SULF2: variants seen among roughly 807,000 people sequenced by gnomAD.
SULF2 encodes sulfatase 2, also known as extracellular sulfatase Sulf-2.
Under a neutral mutation model 107.7 loss-of-function variants are expected in SULF2, and 52 were observed. The ratio of observed to expected loss-of-function variants is 0.48; its 90% confidence interval spans 0.39 to 0.61. SULF2 has a LOEUF of 0.61. Ranked by LOEUF, SULF2 falls within the 20% of genes least tolerant of loss-of-function variation. SULF2 has a pLI of 0.00. For synonymous variants in SULF2, 460 were observed against 464.3 expected (o/e 0.99, Z 0.12); for missense variants, 993 against 1,177.3 (o/e 0.84, Z 2.29).
chr20:47,765,856 A>T (rs1268195547), intron 1 of SULF2, among the ~76,000 whole-genome samples: 2 of 152,214 alleles, frequency 1.3e-5, no homozygotes, highest in African/African-American at 4.8e-5. Flanking sequence ...CAAGTGATAC[A>T]AGGGACTGAG....
At chr20:47,774,223 AC>A (rs1269854533) in intron 1 of SULF2, among the ~76,000 whole-genome samples, 1 of 152,214 alleles carries the variant, frequency 6.6e-6, no homozygotes, top group Non-Finnish European at 1.5e-5. Flanking sequence ...CCGGAAATAG[AC>A]CGGCAAGTGG....
In SULF2 at chr20:47,658,194, C is replaced by T. The variant is rs2086954723; in HGVS notation, c.*168G>A. 4 of 695,726 alleles carry T rather than the reference C, an allele frequency of 5.7e-6. No individual in the cohort carries two copies. 43.1% of individuals were successfully genotyped at this position (695,726 alleles called of 1,614,324 possible). A position where few individuals can be genotyped will look rare whatever the true frequency, so the allele number is the denominator to read the frequency against. On this transcript the variant is annotated 3_prime_UTR_variant, in exon 21 of 21. Coordinates refer to ENST00000688720, the MANE Select transcript of SULF2 (RefSeq NM_001387048.1). ...GGACTTCCTGAAGTTATCTCTGCTC[C>T]TGCTGGTTATCCTCCAGAATCTGTC...
chr20:47,709,200 C>A (rs1345703272), intron 3 of SULF2, among the ~76,000 whole-genome samples: 1 of 152,100 alleles, frequency 6.6e-6, no homozygotes, highest in Non-Finnish European at 1.5e-5. Flanking sequence ...TGGCTGGTGC[C>A]TGGGAAGCTT....
At chr20:47,762,440 C>T (rs1426822445) in intron 1 of SULF2, among the ~76,000 whole-genome samples, 3 of 152,244 alleles carry the variant, frequency 2.0e-5, no homozygotes, top group East Asian at 3.8e-4. Flanking sequence ...TGCACACCCA[C>T]CCATCAATAT....
At chr20:47,673,825 G>A (rs1038600903) in intron 10 of SULF2, among the ~76,000 whole-genome samples, 1 of 152,248 alleles carries the variant, frequency 6.6e-6, no homozygotes, top group Non-Finnish European at 1.5e-5. Context: ...GGGAGCACAG[G>A]CCCAGAAGCC....
intron 10 of SULF2, among the ~76,000 whole-genome samples, chr20:47,676,266 A>G (rs1430838723): frequency 1.3e-5 from 2 of 152,232 alleles, no homozygotes; most frequent in Non-Finnish European, 2.9e-5. Flanking sequence ...CACCCACGGG[A>G]CACTTGGCCT....
At chr20:47,658,856 C>A (rs1229497954) in intron 20 of SULF2, among the ~76,000 whole-genome samples, 1 of 152,174 alleles carries the variant, frequency 6.6e-6, no homozygotes, top group Non-Finnish European at 1.5e-5. Flanking sequence ...CACATACTTG[C>A]ATTTTTGGAT....
intron 5 of SULF2, among the ~76,000 whole-genome samples, chr20:47,689,281 G>A (rs368158033): frequency 1.1e-4 from 16 of 152,344 alleles, no homozygotes; most frequent in African/African-American, 3.8e-4. Context: ...AGAAGGACCG[G>A]TCTGTGTGAC....
intron 18 of SULF2, 45 bp from the exon 19 acceptor site, chr20:47,659,775 A>C: frequency 6.6e-7 from 1 of 1,518,132 alleles, no homozygotes; most frequent in Non-Finnish European, 9.1e-7. Context: ...CAGATAGTTT[A>C]GGCAAAACAA....
At chr20:47,690,007 C>A in intron 5 of SULF2, 119 bp downstream of exon 5, 1 of 1,038,560 alleles carries the variant, frequency 9.6e-7, no homozygotes, top group Non-Finnish European at 1.3e-6. Context: ...GGTCTTTAAA[C>A]CAGGAGGATT....
Position 47,680,744 on chromosome 20 carries a change from G to A in SULF2, c.1065-1940C>T, listed in dbSNP as rs1031753009. Among the ~76,000 whole-genome samples the A allele has an allele frequency of 2.0e-5, 3 of 152,202 alleles. No homozygotes were observed. Among genetic ancestry groups the A allele is most frequent in the South Asian group, 4.1e-4 (2 of 4,828 alleles). On this transcript the variant is annotated intron_variant, in intron 7 of 20. Transcript: ENST00000688720. The surrounding 1 kb of genome is among the most constrained non-coding windows in gnomAD (Gnocchi z 4.2). ...GGAGCTGGGAAGACTGCTGAGCGAC[G>A]GGCGCTCTGCAGAACCCAGCAACCG...
intron 3 of SULF2, among the ~76,000 whole-genome samples, chr20:47,717,806 A>G: frequency 7.0e-6 from 1 of 143,030 alleles, no homozygotes; most frequent in South Asian, 2.3e-4. Flanking sequence ...GTAGGGTTTC[A>G]GAGATAATTT....
intron 7 of SULF2, among the ~76,000 whole-genome samples, 199 bp from the exon 8 acceptor site, chr20:47,679,003 C>T (rs567386497): frequency 7.1e-6 from 1 of 140,426 alleles, no homozygotes; most frequent in South Asian, 2.6e-4. Flanking sequence ...CTGTGCTCGC[C>T]CCCCCTTAGT....
intron 9 of SULF2, 120 bp downstream of exon 9, chr20:47,676,958 T>C: frequency 8.9e-7 from 1 of 1,121,086 alleles, no homozygotes; most frequent in South Asian, 1.4e-5. Flanking sequence ...TAGGGGCCTT[T>C]GGACCAACTT....
intron 1 of SULF2, among the ~76,000 whole-genome samples, chr20:47,774,245 C>T (rs902549841): frequency 2.0e-5 from 3 of 152,194 alleles, no homozygotes; most frequent in African/African-American, 7.2e-5. Flanking sequence ...GAGGAAAGCC[C>T]GGGTCAGAGG....
chr20:47,688,572 C>G (rs2088091403), intron 5 of SULF2, among the ~76,000 whole-genome samples: 1 of 152,196 alleles, frequency 6.6e-6, no homozygotes, highest in Non-Finnish European at 1.5e-5. Flanking sequence ...GCTGAGTGGC[C>G]TCCACCCGCT....
In SULF2 at chr20:47,736,734, G is replaced by A. The variant is rs1333463857; in HGVS notation, c.384C>T (p.Ala128=). The A allele has an allele frequency of 1.7e-5, 27 of 1,614,066 alleles. No homozygotes were observed. Among genetic ancestry groups the A allele is most frequent in the Middle Eastern group, 1.6e-4 (1 of 6,084 alleles). ...WQAQHESRTF[A]VYLNSTGYRT... ...GGTAGCCAGTGCTATTGAGGTACAC[G>A]GCAAAGGTGCGGCTCTCGTGCTGTG... The change falls in exon 3 of 21, where the codon GCC becomes GCT. Residue 128 remains alanine, a synonymous_variant. Coordinates refer to ENST00000688720, the MANE Select transcript of SULF2 (RefSeq NM_001387048.1).
At chr20:47,768,674 G>C (rs192625836) in intron 1 of SULF2, among the ~76,000 whole-genome samples, 116 of 152,334 alleles carry the variant, frequency 7.6e-4, no homozygotes, top group Non-Finnish European at 1.5e-3. Context: ...GTGGAAAAGC[G>C]GAAGGAACGT....
intron 2 of SULF2, among the ~76,000 whole-genome samples, chr20:47,743,165 C>T (rs181126848): frequency 2.6e-5 from 4 of 152,146 alleles, no homozygotes; most frequent in Admixed American, 2.0e-4. Context: ...CTAGGGAAAG[C>T]AGCAGAAGGA....
Sources: gnomAD v4.1 joint callset for allele counts (sites outside exome capture counted in the v4.1 genomes callset) on GRCh38, gnomAD v4.1.1 for gene constraint, Gnocchi (gnomAD v3.1) non-coding constraint, MANE v1.5 for transcripts, NCBI Gene and HGNC (gene_info 2026-07-23, HGNC 2026-07-21) for gene names.